SP140L: variants seen among roughly 807,000 people sequenced by gnomAD.
The protein encoded by SP140L is nuclear body protein SP140-like protein.
SP140L carries 64 observed loss-of-function variants against 84.3 expected under a neutral mutation model. The observed-to-expected ratio is 0.76, with a 90% confidence interval of 0.62 to 0.94. The LOEUF is 0.94. Ranked by LOEUF, SP140L falls within the 40% of genes least tolerant of loss-of-function variation. The probability of loss-of-function intolerance (pLI) is 0.00; values close to 1 mark genes in which losing one functional copy is unlikely to be tolerated. For missense variants in SP140L, 628 were observed against 692.5 expected (o/e 0.91, Z 1.05); for synonymous variants, 242 against 236.9 (o/e 1.02, Z -0.20).
Position 230,385,251 on chromosome 2 carries a change from T to C in SP140L, c.731T>C (p.Val244Ala). 1.2e-6 allele frequency: 2 copies of C among 1,613,770 alleles called. No individual in the cohort carries two copies. The highest frequency in any genetic ancestry group is 1.7e-6 in the Non-Finnish European group (2 of 1,179,752). Residue 244 changes from valine (V) to alanine (A), a missense_variant, in exon 9 of 19, where the codon GTC becomes GCC. Val to Ala is a moderately conservative substitution (Grantham distance 64). Around this residue, in one of 4 missense-constraint regions of SP140L, gnomAD observed 525 missense variants for 518.4 expected, o/e 1.01. Coordinates refer to ENST00000415673, the MANE Select transcript of SP140L (RefSeq NM_138402.6). The stretch of plus-strand genomic sequence containing the variant: ...AACAGCAAAGCCGATGGCCAGCTGG[T>C]CTCGAGTGAAAAGAAGGCGAACATG... Reference protein sequence around the residue: ...NDNSKADGQLVSSEKKANMNL... With the variant: ...NDNSKADGQLASSEKKANMNL...
chr2:230,368,753 T>C (rs189125489), intron 5 of SP140L, among the ~76,000 whole-genome samples: 1 of 152,356 alleles, frequency 6.6e-6, no homozygotes, highest in East Asian at 1.9e-4. Context: ...TGTTGCATTT[T>C]TTCATTTTAT....
In SP140L at chr2:230,402,667, A is replaced by G. The variant is rs1022227441; in HGVS notation, c.1645-131A>G. On this transcript the variant is annotated intron_variant, in intron 18 of 18. Coordinates refer to ENST00000415673, the MANE Select transcript of SP140L (RefSeq NM_138402.6). ...AACACTGCTTTGTACTCCAAAATAC[A>G]TACCATTATAAATTGTCAACTTACA... 14 of 692,974 alleles carry G rather than the reference A, an allele frequency of 2.0e-5. No homozygotes were observed. In the African/African-American group the frequency reaches 2.0e-4, roughly 10 times the overall value. The allele number at this position is 692,974 out of a possible 1,614,324, so 42.9% of individuals were successfully genotyped here. A position where few individuals can be genotyped will look rare whatever the true frequency, so the allele number is the denominator to read the frequency against.
intron 2 of SP140L, among the ~76,000 whole-genome samples, chr2:230,356,952 T>C (rs1237874782): frequency 6.6e-6 from 1 of 152,166 alleles, no homozygotes; most frequent in Non-Finnish European, 1.5e-5. Flanking sequence ...TCCTGCTTTA[T>C]GTTGTGTACT....
At chr2:230,336,106 T>G (rs1350424627) in intron 2 of SP140L, among the ~76,000 whole-genome samples, 4 of 152,148 alleles carry the variant, frequency 2.6e-5, no homozygotes, top group Admixed American at 1.3e-4. Flanking sequence ...CAGAATTGGA[T>G]TGCCACTTTT....
intron 2 of SP140L, among the ~76,000 whole-genome samples, chr2:230,335,359 CT>C (rs989624486): frequency 6.6e-6 from 1 of 152,168 alleles, no homozygotes; most frequent in African/African-American, 2.4e-5. Flanking sequence ...CTCTGTGCCA[CT>C]TTGGAAACGT....
intron 14 of SP140L, among the ~76,000 whole-genome samples, chr2:230,399,352 A>T (rs1386595433): frequency 6.6e-6 from 1 of 152,232 alleles, no homozygotes. Flanking sequence ...TTGATTTACC[A>T]TTCCTTTTAT....
chr2:230,363,286 A>G (rs997985367), intron 5 of SP140L, among the ~76,000 whole-genome samples: 3 of 152,174 alleles, frequency 2.0e-5, no homozygotes, highest in Non-Finnish European at 4.4e-5. Flanking sequence ...TTCCATTAAC[A>G]GTGTACAAGA....
chr2:230,334,493 A>T (rs1220251858), intron 2 of SP140L, among the ~76,000 whole-genome samples: 1 of 152,190 alleles, frequency 6.6e-6, no homozygotes, highest in East Asian at 1.9e-4. Flanking sequence ...AAATACATAG[A>T]TCGATTATCT....
chr2:230,353,001 T>C (rs964843303), intron 2 of SP140L, among the ~76,000 whole-genome samples: 3 of 152,006 alleles, frequency 2.0e-5, no homozygotes, highest in African/African-American at 7.2e-5. Context: ...TCATATAGAG[T>C]TTTTATTTTA....
chr2:230,367,820 T>G (rs187603037), intron 5 of SP140L, among the ~76,000 whole-genome samples: 2 of 152,254 alleles, frequency 1.3e-5, no homozygotes, highest in African/African-American at 4.8e-5. Context: ...TAACCCCAGC[T>G]ACTGGGAAGG....
At chr2:230,392,023 A>G (rs1171971290) in intron 11 of SP140L, 64 bp from the exon 12 acceptor site, 2 of 1,600,436 alleles carry the variant, frequency 1.2e-6, no homozygotes, top group Non-Finnish European at 1.7e-6. Context: ...CAATGTGGTG[A>G]GTGGCCACAG....
intron 5 of SP140L, among the ~76,000 whole-genome samples, chr2:230,369,919 G>A (rs551472490): frequency 8.1e-5 from 12 of 147,700 alleles, no homozygotes; most frequent in South Asian, 2.1e-4. Context: ...GATTACAGGC[G>A]CACGCCACCA....
At chr2:230,400,423 C>G (rs2062269859) in intron 15 of SP140L, 181 bp downstream of exon 15, 1 of 610,620 alleles carries the variant, frequency 1.6e-6, no homozygotes, top group Non-Finnish European at 2.9e-6. Flanking sequence ...GGTAAATGCT[C>G]TCTGTGCTCT....
At chr2:230,381,711 TACACAC>T (rs71052506) in intron 7 of SP140L, among the ~76,000 whole-genome samples, 4,706 of 147,074 alleles carry the variant, frequency 0.032, 220 homozygotes, top group African/African-American at 0.1. Context: ...CCTGTCTCTC[TACACAC>T]ACACACACAC....
At chr2:230,375,370 T>C (rs1177789222) in intron 7 of SP140L, among the ~76,000 whole-genome samples, 2 of 152,176 alleles carry the variant, frequency 1.3e-5, no homozygotes, top group African/African-American at 4.8e-5. Context: ...AACATGGGGG[T>C]GCAGATATCT....
intron 6 of SP140L, 100 bp downstream of exon 6, chr2:230,371,067 C>G: frequency 9.7e-7 from 1 of 1,031,706 alleles, no homozygotes; most frequent in Non-Finnish European, 1.5e-6. Context: ...GAATCCTGTT[C>G]TGTGCATTTG....
intron 2 of SP140L, among the ~76,000 whole-genome samples, chr2:230,349,158 CT>C (rs892472014): frequency 4.0e-4 from 61 of 152,242 alleles, no homozygotes; most frequent in African/African-American, 1.4e-3. Flanking sequence ...ATTTAATTGC[CT>C]TGGCACTTTT....
At chr2:230,379,315 G>GAA (rs1277291228) in intron 7 of SP140L, among the ~76,000 whole-genome samples, 2 of 151,828 alleles carry the variant, frequency 1.3e-5, no homozygotes, top group Admixed American at 6.6e-5. Context: ...ATTTCTGATG[G>GAA]ATTGATATAA....
At chr2:230,385,446 A>C (rs2061544819) in intron 9 of SP140L, 142 bp downstream of exon 9, 2 of 676,014 alleles carry the variant, frequency 3.0e-6, no homozygotes, top group Admixed American at 5.9e-5. Flanking sequence ...CAGCAAACCC[A>C]TTAGAAGCCA....
Sources: gnomAD v4.1 joint callset for allele counts (sites outside exome capture counted in the v4.1 genomes callset) on GRCh38, gnomAD v4.1.1 for gene constraint, gnomAD v4.1.1 regional missense constraint, MANE v1.5 for transcripts, NCBI Gene and HGNC (gene_info 2026-07-23, HGNC 2026-07-21) for gene names.